Variants in MICAL3 observed in about 807,000 individuals in gnomAD.
The protein encoded by MICAL3 is microtubule associated monooxygenase, calponin and LIM domain containing 3.
MICAL3 carries 62 observed loss-of-function variants against 207.4 expected under a neutral mutation model. The observed-to-expected ratio is 0.30, with a 90% CI of 0.24 to 0.37. The LOEUF (loss-of-function observed/expected upper bound fraction) is 0.37, where lower values mean the gene tolerates loss of function less well. Ranked by LOEUF, MICAL3 falls within the 10% of genes least tolerant of loss-of-function variation. MICAL3 has a pLI of 1.00. For synonymous variants in MICAL3, 1,077 were observed against 1,069.3 expected, an observed-to-expected ratio of 1.01 and a Z score of -0.14; for missense variants, 2,368 against 2,635.6, an observed-to-expected ratio of 0.90 and a Z score of 2.22.
intron 11 of MICAL3, among the ~76,000 whole-genome samples, chr22:17,892,711 G>C (rs1930487978): frequency 6.6e-6 from 1 of 152,176 alleles, no homozygotes; most frequent in African/African-American, 2.4e-5. Context: ...CTTTCAAAGA[G>C]AAGACGCTCC....
intron 21 of MICAL3, among the ~76,000 whole-genome samples, chr22:17,830,269 C>A (rs901383725): frequency 6.6e-6 from 1 of 152,122 alleles, no homozygotes; most frequent in South Asian, 2.1e-4. Flanking sequence ...CAGGCACCGT[C>A]GGCTGCCCGA....
intron 1 of MICAL3, among the ~76,000 whole-genome samples, chr22:17,952,000 A>T (rs1349956097): frequency 1.3e-5 from 2 of 152,058 alleles, no homozygotes; most frequent in Non-Finnish European, 1.5e-5. Context: ...CCGGGCGTAA[A>T]ATTTCTTAAA....
intron 1 of MICAL3, among the ~76,000 whole-genome samples, chr22:17,927,490 T>A (rs1932977538): frequency 6.6e-6 from 1 of 152,160 alleles, no homozygotes; most frequent in African/African-American, 2.4e-5. Flanking sequence ...CCCCCTTGCT[T>A]ACACTTTGAA....
intron 1 of MICAL3, among the ~76,000 whole-genome samples, chr22:17,962,523 C>T (rs569334613): frequency 1.9e-4 from 29 of 152,280 alleles, no homozygotes; most frequent in African/African-American, 7.0e-4. Flanking sequence ...AGGAGGGTAG[C>T]ATCAAGGAAG....
chr22:17,895,380 G>A lies in MICAL3; in HGVS notation c.1353C>T (p.Thr451=). ...RESIYRLLPQ[T]TPENVSKNFS... Reference sequence around the variant, plus strand: ...AGTTCTTACTCACATTCTCAGGGGTGGTCTGAGGCAGCAACCTGTAAATAC... The same window carrying A: ...AGTTCTTACTCACATTCTCAGGGGTAGTCTGAGGCAGCAACCTGTAAATAC... The change falls in exon 10 of 32, where the codon ACC becomes ACT. Residue 451 remains threonine, a synonymous_variant. Coordinates refer to ENST00000441493, the MANE Select transcript of MICAL3 (RefSeq NM_015241.3). 3 of 1,613,656 alleles carry A rather than the reference G, an allele frequency of 1.9e-6. No individual in the cohort carries two copies. The highest frequency in any genetic ancestry group is 1.1e-5 in the South Asian group (1 of 91,012).
At chr22:18,000,223 T>A (rs1189919088) in intron 1 of MICAL3, among the ~76,000 whole-genome samples, 24 of 142,176 alleles carry the variant, frequency 1.7e-4, no homozygotes, top group African/African-American at 6.6e-4. Context: ...TCCATGCACA[T>A]CCCACTAAAA....
chr22:17,833,603 G>A (rs889212184), intron 20 of MICAL3, among the ~76,000 whole-genome samples: 5 of 152,184 alleles, frequency 3.3e-5, no homozygotes, highest in Admixed American at 2.6e-4. Flanking sequence ...TTGGCTCCAC[G>A]AAAGTAACCT....
intron 9 of MICAL3, among the ~76,000 whole-genome samples, chr22:17,895,852 T>C (rs772495569): frequency 6.6e-6 from 1 of 152,238 alleles, no homozygotes; most frequent in Non-Finnish European, 1.5e-5. Context: ...CTAATTCTTC[T>C]GGTTAAGGCA....
At chr22:18,004,928 A>G (rs944497246) in intron 1 of MICAL3, 2 of 140,948 alleles carry the variant, frequency 1.4e-5, no homozygotes, top group African/African-American at 5.4e-5. Context: ...TTTTATTTTT[A>G]TTTTGTTTTT....
chr22:17,888,183 A>AC (rs542885994), intron 13 of MICAL3, among the ~76,000 whole-genome samples: 44 of 152,268 alleles, frequency 2.9e-4, no homozygotes, highest in African/African-American at 9.9e-4. Flanking sequence ...TACACCCGTT[A>AC]CCCCATTTTA....
intron 1 of MICAL3, among the ~76,000 whole-genome samples, chr22:18,022,251 G>A (rs7286747): frequency 0.081 from 12,305 of 151,980 alleles, 659 homozygotes; most frequent in African/African-American, 0.14. Flanking sequence ...TTTTACCCTG[G>A]GACTCCAATT....
intron 1 of MICAL3, among the ~76,000 whole-genome samples, chr22:17,909,462 T>C (rs754933952): frequency 1.4e-4 from 22 of 152,220 alleles, no homozygotes; most frequent in Non-Finnish European, 2.9e-4. Context: ...GAGGCGGAGC[T>C]TGCAGTGAAC....
chr22:17,817,262 C>T (rs773783639), intron 26 of MICAL3, 49 bp downstream of exon 26: 2 of 1,519,748 alleles, frequency 1.3e-6, no homozygotes, highest in Non-Finnish European at 1.8e-6. Context: ...CCCAGCCCCT[C>T]CCGCACCCCT....
intron 10 of MICAL3, among the ~76,000 whole-genome samples, chr22:17,894,944 G>A (rs922749454): frequency 2.0e-5 from 3 of 152,198 alleles, no homozygotes; most frequent in East Asian, 3.9e-4. Flanking sequence ...TAAGTCACAC[G>A]TGACCGGCAG....
chr22:17,944,448 T>C (rs1008219970), intron 1 of MICAL3, among the ~76,000 whole-genome samples: 1 of 152,138 alleles, frequency 6.6e-6, no homozygotes, highest in African/African-American at 2.4e-5. Context: ...GCCAAGCTAA[T>C]GTGATCTCCC....
intron 17 of MICAL3, among the ~76,000 whole-genome samples, chr22:17,868,987 C>A (rs1441468889): frequency 1.3e-5 from 2 of 152,198 alleles, no homozygotes; most frequent in Admixed American, 6.5e-5. Context: ...AAGAGCCAGA[C>A]CCCTCTCTGA....
In MICAL3 at chr22:17,887,169, C is replaced by T; in HGVS notation, c.2067+1G>A. 1 of 1,613,048 alleles carries T rather than the reference C, an allele frequency of 6.2e-7. No homozygotes were observed. The highest frequency in any genetic ancestry group is 8.5e-7 in the Non-Finnish European group (1 of 1,179,240). Reference sequence around the variant, plus strand: ...CTAGCAATTCCCCAAGTGAATCTCACCTCCTCTGATTGACTGGTCTTTCTC... The same window carrying T: ...CTAGCAATTCCCCAAGTGAATCTCATCTCCTCTGATTGACTGGTCTTTCTC... On this transcript the variant is annotated splice_donor_variant, in intron 15 of 31. Coordinates refer to ENST00000441493, the MANE Select transcript of MICAL3 (RefSeq NM_015241.3). LOFTEE classifies it high-confidence loss of function.
intron 1 of MICAL3, among the ~76,000 whole-genome samples, chr22:18,000,870 C>A (rs982035487): frequency 2.6e-5 from 4 of 152,188 alleles, no homozygotes; most frequent in African/African-American, 9.6e-5. Context: ...GACGGGGAGG[C>A]CCCGAGGGCC....
chr22:17,839,066 G>T (rs1923707092), intron 20 of MICAL3, among the ~76,000 whole-genome samples: 1 of 150,018 alleles, frequency 6.7e-6, no homozygotes, highest in Non-Finnish European at 1.5e-5. Context: ...GGTTCAAGTG[G>T]TTCTCCTGCC....
Sources: allele counts gnomAD v4.1 joint callset (sites outside exome capture counted in the v4.1 genomes callset), GRCh38; gene constraint gnomAD v4.1.1; transcripts MANE v1.5; gene names NCBI Gene and HGNC (gene_info 2026-07-23, HGNC 2026-07-21).